GRAMD1C: variants seen among roughly 807,000 people sequenced by gnomAD.
The protein encoded by GRAMD1C is protein Aster-C.
In GRAMD1C, 89 loss-of-function variants were observed where a neutral mutation model predicts 97.8. The ratio of observed to expected loss-of-function variants is 0.91; its 90% confidence interval spans 0.77 to 1.09. GRAMD1C has a LOEUF of 1.09. Ranked by LOEUF, GRAMD1C falls within the 50% of genes least tolerant of loss-of-function variation. The probability of loss-of-function intolerance (pLI) is 0.00; values close to 1 mark genes in which losing one functional copy is unlikely to be tolerated. For synonymous variants in GRAMD1C, 256 were observed against 267.0 expected (o/e 0.96, Z 0.40); for missense variants, 740 against 766.4 (o/e 0.97, Z 0.41).
At chr3:113,851,937 C>T (rs1279832533) in intron 2 of GRAMD1C, among the ~76,000 whole-genome samples, 4 of 151,996 alleles carry the variant, frequency 2.6e-5, no homozygotes, top group South Asian at 2.1e-4. Context: ...GGCATGATCT[C>T]GGCTCACTGC....
intron 4 of GRAMD1C, chr3:113,875,917 A>G: frequency 7.0e-6 from 3 of 427,330 alleles, no homozygotes; most frequent in Non-Finnish European, 1.2e-5. Context: ...GAACACCCAC[A>G]TGTCTTTTCA....
intron 2 of GRAMD1C, among the ~76,000 whole-genome samples, chr3:113,849,751 T>A: frequency 6.6e-6 from 1 of 152,212 alleles, no homozygotes; most frequent in East Asian, 1.9e-4. Context: ...CTTTCCCCCC[T>A]TTCTATTCCA....
At chr3:113,919,750 A>C in intron 10 of GRAMD1C, 1 of 586,996 alleles carries the variant, frequency 1.7e-6, no homozygotes, top group Middle Eastern at 3.1e-4. Context: ...TACATATATA[A>C]TTTGAATATA....
At chr3:113,918,013 T>C (rs1276115608) in intron 10 of GRAMD1C, among the ~76,000 whole-genome samples, 1 of 152,032 alleles carries the variant, frequency 6.6e-6, no homozygotes, top group Non-Finnish European at 1.5e-5. Context: ...TAGACATAAT[T>C]ATATATTCAT....
intron 2 of GRAMD1C, among the ~76,000 whole-genome samples, chr3:113,847,137 A>C (rs1369958703): frequency 6.6e-6 from 1 of 152,232 alleles, no homozygotes; most frequent in Admixed American, 6.5e-5. Context: ...AATAACACAT[A>C]GAGATACCAG....
intron 1 of GRAMD1C, among the ~76,000 whole-genome samples, chr3:113,831,577 G>A (rs1709558347): frequency 6.6e-6 from 1 of 152,008 alleles, no homozygotes; most frequent in Non-Finnish European, 1.5e-5. Context: ...ACTTGGCAGT[G>A]TCTTACAGGT....
chr3:113,915,160 G>A (rs1936761851), intron 9 of GRAMD1C, among the ~76,000 whole-genome samples: 2 of 152,166 alleles, frequency 1.3e-5, no homozygotes, highest in South Asian at 4.1e-4. Context: ...AATGTGTGAT[G>A]TTGAAAATAG....
chr3:113,935,543 T>C (rs1937562973), intron 13 of GRAMD1C, among the ~76,000 whole-genome samples: 1 of 151,928 alleles, frequency 6.6e-6, no homozygotes, highest in Non-Finnish European at 1.5e-5. Context: ...TATACGTGTG[T>C]GTATATATAT....
intron 2 of GRAMD1C, among the ~76,000 whole-genome samples, chr3:113,845,800 A>G (rs1179282049): frequency 6.6e-6 from 1 of 152,242 alleles, no homozygotes; most frequent in African/African-American, 2.4e-5. Flanking sequence ...TAGGCTAAAA[A>G]AAGATTCATT....
At chr3:113,939,817 G>A in intron 15 of GRAMD1C, 69 bp from the exon 16 acceptor site, 1 of 801,182 alleles carries the variant, frequency 1.2e-6, no homozygotes, top group East Asian at 2.5e-5. Context: ...GCTTTTGCAT[G>A]TATATTCTGC....
At chr3:113,912,107 G>C (rs1473901250) in intron 9 of GRAMD1C, among the ~76,000 whole-genome samples, 3 of 152,124 alleles carry the variant, frequency 2.0e-5, no homozygotes, top group African/African-American at 7.2e-5. Flanking sequence ...AGAATAATTT[G>C]CGGCTACACA....
rs767634240 is a variant in GRAMD1C at position 113,909,015 on chromosome 3, A to T, written c.847A>T (p.Thr283Ser). ...EKQTKKSLLP[T>S]LEKKLTRVPS... ...ACAGACCAAAAAGAGTCTCTTACCA[A>T]CTTTGGAAAAGAAGTTAACTAGAGT... The change falls in exon 9 of 18, where the codon ACT (threonine) becomes TCT (serine). Residue 283 changes from threonine (T) to serine (S), a missense_variant. Transcript: ENST00000358160. The T allele has an allele frequency of 1.5e-5, 24 of 1,579,056 alleles. No individual in the cohort carries two copies. The highest frequency in any genetic ancestry group is 2.1e-5 in the Non-Finnish European group (24 of 1,164,458).
chr3:113,831,841 T>C (rs761402226), intron 1 of GRAMD1C, among the ~76,000 whole-genome samples: 14 of 152,210 alleles, frequency 9.2e-5, no homozygotes, highest in Non-Finnish European at 1.6e-4. Flanking sequence ...GGGTCTCTTT[T>C]GAATTTGATT....
chr3:113,863,224 A>G (rs954370079), intron 2 of GRAMD1C, among the ~76,000 whole-genome samples: 2 of 152,218 alleles, frequency 1.3e-5, no homozygotes, highest in African/African-American at 4.8e-5. Flanking sequence ...AATGTAGTAT[A>G]TTTGTATAAT....
chr3:113,910,625 T>C (rs1936533073), intron 9 of GRAMD1C, among the ~76,000 whole-genome samples: 3 of 152,240 alleles, frequency 2.0e-5, no homozygotes, highest in Admixed American at 2.0e-4. Flanking sequence ...ACCCTGGTGG[T>C]AACAAAATTG....
chr3:113,928,767 TC>T (rs1214392371), intron 10 of GRAMD1C, among the ~76,000 whole-genome samples: 1 of 152,232 alleles, frequency 6.6e-6, no homozygotes, highest in Non-Finnish European at 1.5e-5. Context: ...CATAATGCCT[TC>T]CAGGTTCATC....
chr3:113,855,245 A>G (rs1326956951), intron 2 of GRAMD1C, among the ~76,000 whole-genome samples: 2 of 152,114 alleles, frequency 1.3e-5, no homozygotes, highest in African/African-American at 4.8e-5. Context: ...CAGTAGGTGG[A>G]GGTTGTGGTG....
upstream of GRAMD1C, among the ~76,000 whole-genome samples, chr3:113,836,969 A>G (rs572453095): frequency 3.4e-3 from 513 of 152,258 alleles, 1 homozygote; most frequent in Non-Finnish European, 5.8e-3. Context: ...TTATCCATAA[A>G]TGAATATCCA....
intron 11 of GRAMD1C, among the ~76,000 whole-genome samples, chr3:113,932,113 A>C (rs936381409): frequency 2.6e-5 from 4 of 152,218 alleles, no homozygotes; most frequent in African/African-American, 9.6e-5. Flanking sequence ...CCAGAGTGGC[A>C]GTGTCTTACA....
Sources: gnomAD v4.1 joint callset for allele counts (sites outside exome capture counted in the v4.1 genomes callset) on GRCh38, gnomAD v4.1.1 for gene constraint, MANE v1.5 for transcripts, NCBI Gene and HGNC (gene_info 2026-07-23, HGNC 2026-07-21) for gene names.